The following MAPK8 variants were observed in gnomAD, a reference collection of about 807,000 sequenced individuals.
MAPK8 encodes JUN N-terminal kinase.
In MAPK8, 13 loss-of-function variants were observed where a neutral mutation model predicts 52.9. That is an observed-to-expected ratio of 0.25 (90% CI 0.16 to 0.39). MAPK8 has a LOEUF of 0.39. Among genes scored for constraint, MAPK8 ranks in the 10% least tolerant of loss-of-function variants. MAPK8 has a pLI of 1.00. For synonymous variants in MAPK8, 191 were observed against 169.8 expected (o/e 1.12, Z -0.97); for missense variants, 300 against 519.2 (o/e 0.58, Z 4.10).
rs181272828 is a variant in MAPK8, at chr10:48,374,998, C to T, written c.-49-26614C>T. On this transcript the variant is annotated intron_variant, in intron 1 of 11. Coordinates refer to ENST00000374189, the MANE Select transcript of MAPK8 (RefSeq NM_001323329.2). ...GATGTGAAAATCCTCAATAAAATAC[C>T]GGCAAACCAAATCCAGCAGCACATC... 3.6e-3 allele frequency among the ~76,000 whole-genome samples: 546 copies of T among 152,126 alleles called. 1 individual carries two copies. The highest frequency in any genetic ancestry group is 7.3e-3 in the African/African-American group (303 of 41,508).
chr10:48,374,767 G>A (rs1161010111), intron 1 of MAPK8, among the ~76,000 whole-genome samples: 1 of 152,042 alleles, frequency 6.6e-6, no homozygotes, highest in East Asian at 1.9e-4. Context: ...ACCAAAAAAA[G>A]CCCAGGACCA....
intron 1 of MAPK8, among the ~76,000 whole-genome samples, chr10:48,340,466 C>T (rs1246377739): frequency 6.6e-6 from 1 of 152,184 alleles, no homozygotes; most frequent in African/African-American, 2.4e-5. Context: ...ATGAGTTCAA[C>T]AGAAGCTCAG....
intron 7 of MAPK8, chr10:48,424,594 A>G (rs140816708): frequency 4.3e-4 from 665 of 1,561,920 alleles, no homozygotes; most frequent in Non-Finnish European, 5.4e-4. Context: ...TCGTATCCTT[A>G]TCTTTGGCCT....
At chr10:48,409,056 G>C (rs1327668808) in intron 3 of MAPK8, among the ~76,000 whole-genome samples, 2 of 152,026 alleles carry the variant, frequency 1.3e-5, no homozygotes, top group Non-Finnish European at 2.9e-5. Flanking sequence ...CTATCACATT[G>C]GGTGCTAGGA....
At chr10:48,427,029 T>G (rs3730160) in intron 9 of MAPK8, 51 bp from the exon 10 acceptor site, 31 of 1,367,570 alleles carry the variant, frequency 2.3e-5, no homozygotes, top group Non-Finnish European at 3.2e-5. Flanking sequence ...ACTACAGAGT[T>G]AAAATACTCC....
At chr10:48,324,794 T>C (rs1843338528) in intron 1 of MAPK8, among the ~76,000 whole-genome samples, 1 of 152,164 alleles carries the variant, frequency 6.6e-6, no homozygotes, top group Admixed American at 6.5e-5. Context: ...ATTCACCAGA[T>C]CTATCCATTA....
At chr10:48,412,806 A>G (rs1307790541) in intron 5 of MAPK8, among the ~76,000 whole-genome samples, 2 of 152,230 alleles carry the variant, frequency 1.3e-5, no homozygotes, top group Non-Finnish European at 2.9e-5. Flanking sequence ...TACATATAAA[A>G]TGTGCCATTT....
Position 48,420,329 on chromosome 10 carries a change from A to T in MAPK8, c.616+9A>T. 1 of 1,563,218 alleles carries T rather than the reference A, an allele frequency of 6.4e-7. No individual in the cohort carries two copies. Among genetic ancestry groups the T allele is most frequent in the Non-Finnish European group, 8.7e-7 (1 of 1,151,880 alleles). The stretch of plus-strand genomic sequence containing the variant: ...GGGCTACAAGGAAAACGGTCAGCAC[A>T]CACATTTATTTGAAATATTTTTCTG... On this transcript the variant is annotated intron_variant, in intron 6 of 11. Coordinates refer to ENST00000374189, the MANE Select transcript of MAPK8 (RefSeq NM_001323329.2).
chr10:48,415,038 T>G (rs965371690), intron 5 of MAPK8, among the ~76,000 whole-genome samples: 2 of 152,030 alleles, frequency 1.3e-5, no homozygotes, highest in Non-Finnish European at 2.9e-5. Context: ...TTTTTTTAAG[T>G]GAACAATCCT....
rs898708993 is a variant in MAPK8, at chr10:48,437,366, AGAG to A, written c.*2338_*2340del. 2.0e-5 allele frequency: 3 copies of A among 151,912 alleles called. No individual in the cohort carries two copies. Among genetic ancestry groups the A allele is most frequent in the African/African-American group, 7.3e-5 (3 of 41,378 alleles). The allele number at this position is 151,912 out of a possible 1,614,324, so 9.4% of individuals were successfully genotyped here. A position where few individuals can be genotyped will look rare whatever the true frequency, so the allele number is the denominator to read the frequency against. On this transcript the variant is annotated 3_prime_UTR_variant, in exon 12 of 12. Coordinates refer to ENST00000374189, the MANE Select transcript of MAPK8 (RefSeq NM_001323329.2). ...AGCATCTTAAACATTTTTTTTTTGA[AGAG>A]AAGTTACAAATAACATTTCTATCAG...
At chr10:48,388,175 C>T (rs2041423418) in intron 1 of MAPK8, among the ~76,000 whole-genome samples, 2 of 152,132 alleles carry the variant, frequency 1.3e-5, no homozygotes, top group South Asian at 4.1e-4. Flanking sequence ...TAATAATAAA[C>T]TCTAGAATCT....
chr10:48,376,214 T>G, intron 1 of MAPK8, among the ~76,000 whole-genome samples: 1 of 152,152 alleles, frequency 6.6e-6, no homozygotes, highest in Non-Finnish European at 1.5e-5. Flanking sequence ...GATTCCTTCC[T>G]TACACCTTAT....
At chr10:48,326,209 C>T (rs1843505269) in intron 1 of MAPK8, among the ~76,000 whole-genome samples, 1 of 152,110 alleles carries the variant, frequency 6.6e-6, no homozygotes, top group South Asian at 2.1e-4. Context: ...TTTATTTTCT[C>T]CCATTTAGTA....
intron 1 of MAPK8, among the ~76,000 whole-genome samples, chr10:48,340,022 C>T (rs944873769): frequency 1.3e-5 from 2 of 152,186 alleles, no homozygotes; most frequent in African/African-American, 4.8e-5. Context: ...AATAGAACTA[C>T]CATTCAAACC....
intron 5 of MAPK8, among the ~76,000 whole-genome samples, chr10:48,418,376 T>A (rs1255108938): frequency 1.3e-5 from 2 of 152,200 alleles, no homozygotes; most frequent in East Asian, 3.8e-4. Context: ...TAATTCTCAG[T>A]GGCTTAGCAC....
chr10:48,360,317 T>C (rs1014481058), intron 1 of MAPK8, among the ~76,000 whole-genome samples: 3 of 152,218 alleles, frequency 2.0e-5, no homozygotes, highest in Non-Finnish European at 4.4e-5. Flanking sequence ...AAGTGAGATA[T>C]TAGTTACATT....
At chr10:48,325,113 C>T (rs1233496007) in intron 1 of MAPK8, among the ~76,000 whole-genome samples, 1 of 151,980 alleles carries the variant, frequency 6.6e-6, no homozygotes. Context: ...GTAGCTGGGA[C>T]TACAGGCACG....
intron 1 of MAPK8, among the ~76,000 whole-genome samples, chr10:48,313,725 A>G (rs539094341): frequency 6.6e-6 from 1 of 152,238 alleles, no homozygotes; most frequent in Admixed American, 6.5e-5. Flanking sequence ...TGCATGCAAT[A>G]TGTATCACCT....
In MAPK8 at chr10:48,437,558, T is replaced by C. The variant is rs1168109852; in HGVS notation, c.*2529T>C. On this transcript the variant is annotated 3_prime_UTR_variant, in exon 12 of 12. Transcript: ENST00000374189. ...TGCTAATTCTGTACCAATGTCTTCC[T>C]GGTTACTATTCTCTTCCCTCTAATA... 6.6e-6 allele frequency: 1 copy of C among 152,228 alleles called. No individual in the cohort carries two copies. Among genetic ancestry groups the C allele is most frequent in the African/African-American group, 2.4e-5 (1 of 41,466 alleles). 9.4% of individuals were successfully genotyped at this position (152,228 alleles called of 1,614,324 possible).
Sources: allele counts gnomAD v4.1 joint callset (sites outside exome capture counted in the v4.1 genomes callset), GRCh38; gene constraint gnomAD v4.1.1; transcripts MANE v1.5; gene names NCBI Gene and HGNC (gene_info 2026-07-23, HGNC 2026-07-21).